The following MYSM1 variants were observed in gnomAD, a reference collection of about 807,000 sequenced individuals.
The protein encoded by MYSM1 is deubiquitinase MYSM1.
In MYSM1, 51 loss-of-function variants were observed where a neutral mutation model predicts 116.0. The ratio of observed to expected loss-of-function variants is 0.44; its 90% CI spans 0.35 to 0.56. MYSM1 has a LOEUF of 0.56. Among genes scored for constraint, MYSM1 ranks in the 20% least tolerant of loss-of-function variants. The pLI, the probability that MYSM1 is intolerant of heterozygous loss-of-function variation, is 0.00. For synonymous variants in MYSM1, 313 were observed against 315.2 expected, an observed-to-expected ratio of 0.99 and a Z score of 0.07; for missense variants, 900 against 974.9, an observed-to-expected ratio of 0.92 and a Z score of 1.02.
intron 6 of MYSM1, among the ~76,000 whole-genome samples, chr1:58,687,588 G>C (rs532519882): frequency 2.0e-5 from 3 of 152,220 alleles, no homozygotes; most frequent in African/African-American, 7.2e-5. Flanking sequence ...CATTTCACAG[G>C]GGTTCAGGCC....
intron 17 of MYSM1, among the ~76,000 whole-genome samples, chr1:58,662,398 A>AT (rs919632244): frequency 6.6e-6 from 1 of 151,842 alleles, no homozygotes; most frequent in African/African-American, 2.4e-5. Context: ...AATGCATACT[A>AT]TGTGCCACCT....
At chr1:58,664,106 C>G (rs1250109138) in intron 17 of MYSM1, among the ~76,000 whole-genome samples, 15 of 152,026 alleles carry the variant, frequency 9.9e-5, no homozygotes, top group Admixed American at 9.8e-4. Context: ...TAATTCTAAT[C>G]AACTTACATT....
intron 2 of MYSM1, among the ~76,000 whole-genome samples, chr1:58,694,223 C>T (rs1644941109): frequency 6.6e-6 from 1 of 152,148 alleles, no homozygotes; most frequent in Non-Finnish European, 1.5e-5. Flanking sequence ...TACTTAACTC[C>T]CTCTTAGAAA....
Position 58,698,084 on chromosome 1 carries a change from C to CTATATATATATATATATATA in MYSM1, c.68+1900_68+1901insTATATATATATATATATATA, listed in dbSNP as rs374389099. ...ACACCACTGGACACTATTTATCAGA[C>CTATATATATATATATATATA]TATATATATATATATATATTTTTTT... On this transcript the variant is annotated intron_variant, in intron 1 of 19. Coordinates refer to ENST00000472487, the MANE Select transcript of MYSM1 (RefSeq NM_001085487.3). 1.8e-3 allele frequency among the ~76,000 whole-genome samples: 58 copies of CTATATATATATATATATATA among 31,372 alleles called. 11 individuals carry two copies. The highest frequency in any genetic ancestry group is 2.9e-3 in the African/African-American group (23 of 7,860). 20.6% of individuals were successfully genotyped at this position (31,372 alleles called of 152,430 possible).
intron 1 of MYSM1, among the ~76,000 whole-genome samples, chr1:58,697,795 G>C (rs1644998382): frequency 6.6e-6 from 1 of 151,252 alleles, no homozygotes. Flanking sequence ...CTCCATGTTG[G>C]TCAGGCTGAT....
chr1:58,667,823 AT>A (rs754581476), intron 15 of MYSM1, 23 bp downstream of exon 15: 14 of 1,464,226 alleles, frequency 9.6e-6, no homozygotes, highest in South Asian at 2.3e-5. Context: ...TAACTAAAAC[AT>A]TTTTTTAAAA....
In MYSM1 at chr1:58,671,960, T is replaced by A; in HGVS notation, c.1573-2A>T. On this transcript the variant is annotated splice_acceptor_variant, in intron 11 of 19. Transcript: ENST00000472487. LOFTEE classifies it high-confidence loss of function. ...TGCCAACTCCTCAGCAGAGAGATGCTAAAACAAAATGCCAATTGATTAAGG... is the reference window on the plus strand; with the variant it reads ...TGCCAACTCCTCAGCAGAGAGATGCAAAAACAAAATGCCAATTGATTAAGG... The A allele has an allele frequency of 6.2e-7, 1 of 1,611,544 alleles. No homozygotes were observed. The highest frequency in any genetic ancestry group is 8.5e-7 in the Non-Finnish European group (1 of 1,178,690).
intron 8 of MYSM1, 42 bp downstream of exon 8, chr1:58,681,743 A>G (rs947062201): frequency 1.3e-6 from 2 of 1,507,410 alleles, no homozygotes; most frequent in Non-Finnish European, 1.8e-6. Context: ...ACTTCAGAAT[A>G]TCACGTTTTA....
chr1:58,658,186 A>T lies in MYSM1; in HGVS notation c.*1811T>A, dbSNP rs1199783867. The T allele has an allele frequency of 6.6e-6, 1 of 152,122 alleles. No individual in the cohort carries two copies. Among genetic ancestry groups the T allele is most frequent in the Non-Finnish European group, 1.5e-5 (1 of 68,028 alleles). The allele number at this position is 152,122 out of a possible 1,614,324, so 9.4% of individuals were successfully genotyped here. On this transcript the variant is annotated 3_prime_UTR_variant, in exon 20 of 20. Coordinates refer to ENST00000472487, the MANE Select transcript of MYSM1 (RefSeq NM_001085487.3). The stretch of plus-strand genomic sequence containing the variant: ...TGTTTTGATTAAGGTCACACAGCAA[A>T]GTTGGTAACAGAGTTAGGGTAAGAG...
chr1:58,672,061 G>T, intron 11 of MYSM1, 103 bp from the exon 12 acceptor site: 1 of 830,536 alleles, frequency 1.2e-6, no homozygotes, highest in Non-Finnish European at 1.9e-6. Flanking sequence ...GGACAAGAGA[G>T]ACTAAATTGA....
Position 58,655,864 on chromosome 1 carries a change from C to T in MYSM1, c.*4133G>A, listed in dbSNP as rs931900910. On this transcript the variant is annotated 3_prime_UTR_variant, in exon 20 of 20. Transcript: ENST00000472487. ...TTTGTGCTTGGATAAAAGAAGTTTTCCTAAATACCATATATTGGTAGAGTA... is the reference window on the plus strand; with the variant it reads ...TTTGTGCTTGGATAAAAGAAGTTTTTCTAAATACCATATATTGGTAGAGTA... 6.6e-6 allele frequency: 1 copy of T among 151,986 alleles called. No individual in the cohort carries two copies. Among genetic ancestry groups the T allele is most frequent in the Non-Finnish European group, 1.5e-5 (1 of 67,998 alleles). The allele number at this position is 151,986 out of a possible 1,614,324, so 9.4% of individuals were successfully genotyped here. A position where few individuals can be genotyped will look rare whatever the true frequency, so the allele number is the denominator to read the frequency against.
intron 1 of MYSM1, 173 bp downstream of exon 1, chr1:58,699,812 C>T (rs1338569499): frequency 1.0e-6 from 1 of 985,318 alleles, no homozygotes; most frequent in Non-Finnish European, 1.2e-6. Flanking sequence ...GCCCTGCCCG[C>T]TGGGCTTGGG....
chr1:58,689,130 A>C lies in MYSM1; in HGVS notation c.321-14T>G. ...GGAGAGTGTACCCTGAGGGGAAAAA[A>C]AGGAATTGCAAAAAAAATTTCTGAA... On this transcript the variant is annotated splice_polypyrimidine_tract_variant and intron_variant, in intron 5 of 19. Transcript: ENST00000472487. The C allele has an allele frequency of 6.3e-7, 1 of 1,582,498 alleles. No individual in the cohort carries two copies. Among genetic ancestry groups the C allele is most frequent in the Middle Eastern group, 1.7e-4 (1 of 5,928 alleles).
intron 1 of MYSM1, among the ~76,000 whole-genome samples, chr1:58,697,542 A>G (rs962978596): frequency 3.3e-5 from 5 of 152,152 alleles, no homozygotes; most frequent in Admixed American, 2.0e-4. Context: ...GAACATAAGA[A>G]AAGGAGAATG....
chr1:58,699,668 A>C (rs1020026490), intron 1 of MYSM1: 2 of 985,452 alleles, frequency 2.0e-6, no homozygotes, highest in African/African-American at 3.5e-5. Flanking sequence ...ACTGTCGATG[A>C]GATCCTGAAA....
At chr1:58,669,189 G>A in intron 12 of MYSM1, 151 bp from the exon 13 acceptor site, 1 of 568,332 alleles carries the variant, frequency 1.8e-6, no homozygotes, top group Non-Finnish European at 3.0e-6. Context: ...CCTTTCGAAA[G>A]AAGCACTGTT....
At chr1:58,694,166 T>C (rs1644940489) in intron 2 of MYSM1, among the ~76,000 whole-genome samples, 1 of 152,238 alleles carries the variant, frequency 6.6e-6, no homozygotes, top group Admixed American at 6.5e-5. Context: ...ATTCAGCATC[T>C]TGCTTATTTC....
At position 58,676,407 on chromosome 1, in the gene MYSM1, A is replaced by G. The variant is rs976951152; in HGVS notation, c.1390+519T>C. Among the ~76,000 whole-genome samples, 5 of 76,666 alleles carry G rather than the reference A, an allele frequency of 6.5e-5. No homozygotes were observed. In the South Asian group the frequency reaches 1.3e-3, roughly 21 times the overall value. 50.3% of individuals were successfully genotyped at this position (76,666 alleles called of 152,430 possible). On this transcript the variant is annotated intron_variant, in intron 9 of 19. Transcript: ENST00000472487. ...CTTCAGCCTGGGCAACAGAGCGAGA[A>G]AAAAAAAAAAAAAAAGAGTAGAATA...
At chr1:58,680,224 G>C (rs952041388) in intron 8 of MYSM1, among the ~76,000 whole-genome samples, 3 of 152,056 alleles carry the variant, frequency 2.0e-5, no homozygotes, top group African/African-American at 7.2e-5. Flanking sequence ...TAGAATAAAA[G>C]AGTGATTTAC....
Sources: allele counts gnomAD v4.1 joint callset (sites outside exome capture counted in the v4.1 genomes callset), GRCh38; gene constraint gnomAD v4.1.1; transcripts MANE v1.5; gene names NCBI Gene and HGNC (gene_info 2026-07-23, HGNC 2026-07-21).